The following CACNA1C variants were observed in gnomAD, a reference collection of about 807,000 sequenced individuals.
CACNA1C encodes voltage-dependent L-type calcium channel subunit alpha-1C.
Under a neutral mutation model 229.0 loss-of-function variants are expected in CACNA1C, and 30 were observed. The observed-to-expected ratio is 0.13, with a 90% CI of 0.10 to 0.18. The LOEUF (loss-of-function observed/expected upper bound fraction) is 0.18. CACNA1C is among the 10% of genes least tolerant of loss of function. CACNA1C has a pLI of 1.00. For synonymous variants in CACNA1C, 1,114 were observed against 1,132.5 expected (o/e 0.98, Z 0.33); for missense variants, 1,658 against 2,845.0 (o/e 0.58, Z 9.49).
chr12:2,089,804 G>T (rs941404216), intron 1 of CACNA1C, among the ~76,000 whole-genome samples: 8 of 152,110 alleles, frequency 5.3e-5, no homozygotes, highest in African/African-American at 1.9e-4. Flanking sequence ...GGAGGCTGAG[G>T]TGGGCGGATC....
chr12:2,618,942 C>T (rs962813591), intron 29 of CACNA1C, among the ~76,000 whole-genome samples: 1 of 152,232 alleles, frequency 6.6e-6, no homozygotes, highest in Non-Finnish European at 1.5e-5. Context: ...GCACCGCTCA[C>T]CAGGAATCAT....
intron 3 of CACNA1C, among the ~76,000 whole-genome samples, chr12:2,427,709 C>T (rs1349435135): frequency 1.3e-5 from 2 of 152,136 alleles, no homozygotes; most frequent in Non-Finnish European, 2.9e-5. Context: ...GCAACCTCCG[C>T]CTCCCGGGTT....
At chr12:2,577,870 CTTTTT>C (rs34284324) in intron 13 of CACNA1C, among the ~76,000 whole-genome samples, 1 of 138,110 alleles carries the variant, frequency 7.2e-6, no homozygotes. Flanking sequence ...AGTAATTATT[CTTTTT>C]TTTTTTTTTT....
chr12:2,204,063 C>T (rs2097681306), intron 3 of CACNA1C, among the ~76,000 whole-genome samples: 1 of 152,164 alleles, frequency 6.6e-6, no homozygotes. Context: ...ATTACAGTCC[C>T]ACCAACAGTG....
intron 3 of CACNA1C, among the ~76,000 whole-genome samples, chr12:2,423,026 A>C (rs1298635558): frequency 6.6e-6 from 1 of 152,130 alleles, no homozygotes; most frequent in Non-Finnish European, 1.5e-5. Flanking sequence ...TCCTCCATCG[A>C]GGATTAGCTT....
Position 2,228,970 on chromosome 12 carries a change from G to A in CACNA1C, c.477+108540G>A, listed in dbSNP as rs555052755. ...TGTGTGCATATCTCCTGGAAAAACA[G>A]AGAGGAGGAGACGCTCCTGTAGCCT... On this transcript the variant is annotated intron_variant, in intron 3 of 46. Coordinates refer to ENST00000399655, the MANE Select transcript of CACNA1C (RefSeq NM_000719.7). 4.3e-4 allele frequency among the ~76,000 whole-genome samples: 66 copies of A among 152,314 alleles called. 1 individual carries two copies. In the South Asian group the frequency reaches 0.013, roughly 30 times the overall value.
At chr12:2,336,936 C>G (rs1042400158) in intron 3 of CACNA1C, among the ~76,000 whole-genome samples, 3 of 152,178 alleles carry the variant, frequency 2.0e-5, no homozygotes, top group African/African-American at 7.2e-5. Flanking sequence ...GGTGGCTTCC[C>G]CTGGAAAGGT....
chr12:2,497,552 T>C (rs964666292), intron 7 of CACNA1C, among the ~76,000 whole-genome samples: 1 of 152,114 alleles, frequency 6.6e-6, no homozygotes, highest in African/African-American at 2.4e-5. Flanking sequence ...CCTTCTGGGA[T>C]CCCCAAGAAT....
At chr12:2,281,614 T>C (rs920025531) in intron 3 of CACNA1C, among the ~76,000 whole-genome samples, 1 of 152,242 alleles carries the variant, frequency 6.6e-6, no homozygotes, top group African/African-American at 2.4e-5. Flanking sequence ...CACTGTCTTC[T>C]TGCTTGTGTT....
intron 3 of CACNA1C, among the ~76,000 whole-genome samples, chr12:2,189,509 G>A (rs1041787991): frequency 6.6e-6 from 1 of 152,188 alleles, no homozygotes; most frequent in African/African-American, 2.4e-5. Context: ...ATGGGCCATC[G>A]TGGCTGCCTG....
chr12:2,562,104 C>T lies in CACNA1C; in HGVS notation c.1509-4318C>T, dbSNP rs1331755131. ...CCCCAGCCCAAATCCATGTGACTCT[C>T]CCAAATGGGTCTGCTCAGGAGCACC... On this transcript the variant is annotated intron_variant, in intron 11 of 46. Coordinates refer to ENST00000399655, the MANE Select transcript of CACNA1C (RefSeq NM_000719.7). 4.1e-5 allele frequency among the ~76,000 whole-genome samples: 6 copies of T among 144,784 alleles called. No individual in the cohort carries two copies. In the South Asian group the frequency reaches 7.4e-4, roughly 18 times the overall value. 95.0% of individuals were successfully genotyped at this position (144,784 alleles called of 152,430 possible).
chr12:2,489,913 C>T (rs1008021347), intron 6 of CACNA1C, among the ~76,000 whole-genome samples: 1 of 152,228 alleles, frequency 6.6e-6, no homozygotes, highest in African/African-American at 2.4e-5. Context: ...TTCCCACTTT[C>T]CTCCCCAGGA....
chr12:2,091,800 T>C (rs1199156616), intron 1 of CACNA1C, among the ~76,000 whole-genome samples: 1 of 152,214 alleles, frequency 6.6e-6, no homozygotes, highest in East Asian at 1.9e-4. Context: ...TAGGGAGGGT[T>C]CTTATTCTGT....
At chr12:2,461,160 T>C (rs2099498640) in intron 5 of CACNA1C, among the ~76,000 whole-genome samples, 1 of 152,354 alleles carries the variant, frequency 6.6e-6, no homozygotes, top group South Asian at 2.1e-4. Context: ...TCCCCACTGC[T>C]GCACCAAAAC....
chr12:2,686,372 C>T (rs1438975243), intron 45 of CACNA1C, 103 bp downstream of exon 45: 1 of 926,068 alleles, frequency 1.1e-6, no homozygotes, highest in Non-Finnish European at 1.8e-6. Context: ...TTGCCTGTCT[C>T]AGATGGCTGG....
At chr12:1,974,162 C>G (rs562160793) in intron 1 of CACNA1C, among the ~76,000 whole-genome samples, 3 of 152,292 alleles carry the variant, frequency 2.0e-5, no homozygotes, top group Admixed American at 6.5e-5. Context: ...TCTAAGACTT[C>G]AAGCTCTTCT....
At chr12:2,142,096 G>A (rs1231167665) in intron 3 of CACNA1C, among the ~76,000 whole-genome samples, 1 of 151,132 alleles carries the variant, frequency 6.6e-6, no homozygotes, top group Non-Finnish European at 1.5e-5. Flanking sequence ...CACCTGGCAC[G>A]TGATGGTGGC....
intron 3 of CACNA1C, among the ~76,000 whole-genome samples, chr12:2,269,241 G>T (rs1176975552): frequency 2.0e-5 from 3 of 152,214 alleles, no homozygotes; most frequent in Admixed American, 2.0e-4. Flanking sequence ...AGCCAGGAGG[G>T]AGTCATGGGA....
At position 2,633,574 on chromosome 12, in the gene CACNA1C, T is replaced by C. The variant is rs1383139035; in HGVS notation, c.3829-723T>C. 7.0e-6 allele frequency: 7 copies of C among 1,006,386 alleles called. No individual in the cohort carries two copies. The highest frequency in any genetic ancestry group is 9.6e-6 in the Non-Finnish European group (6 of 625,488). The allele number at this position is 1,006,386 out of a possible 1,614,324, so 62.3% of individuals were successfully genotyped here. A position where few individuals can be genotyped will look rare whatever the true frequency, so the allele number is the denominator to read the frequency against. On this transcript the variant is annotated intron_variant, in intron 29 of 46. Coordinates refer to ENST00000399655, the MANE Select transcript of CACNA1C (RefSeq NM_000719.7). This position sits in a 1 kb window ranked among gnomAD's most constrained non-coding sequence, Gnocchi z 5.8. ...TTCTGATGGTGGTGTTGCTCTGTTC[T>C]TGTCTGTCTAATATTCCTTTTTAAT... is the stretch of plus-strand genomic sequence containing the variant.
Sources: allele counts gnomAD v4.1 joint callset (sites outside exome capture counted in the v4.1 genomes callset), GRCh38; gene constraint gnomAD v4.1.1; non-coding constraint Gnocchi (gnomAD v3.1); transcripts MANE v1.5; gene names NCBI Gene and HGNC (gene_info 2026-07-23, HGNC 2026-07-21).